AVEN: variants seen among roughly 807,000 people sequenced by gnomAD.
AVEN encodes apoptosis and caspase activation inhibitor.
AVEN carries 41 observed loss-of-function variants against 38.1 expected under a neutral mutation model. That is an observed-to-expected ratio of 1.08 (90% CI 0.84 to 1.40). The LOEUF is 1.40. AVEN is among the 40% of genes most tolerant of loss of function. AVEN has a pLI of 0.00. For missense variants in AVEN, 605 were observed against 438.8 expected (o/e 1.38, Z -3.38); for synonymous variants, 206 against 171.8 (o/e 1.20, Z -1.56).
intron 5 of AVEN, among the ~76,000 whole-genome samples, chr15:34,049,050 G>T (rs1899832801): frequency 6.6e-6 from 1 of 152,162 alleles, no homozygotes; most frequent in Admixed American, 6.5e-5. Flanking sequence ...CCTATTTCAA[G>T]GTCAGCAACC....
chr15:33,907,764 C>G (rs1892761230), intron 2 of AVEN, among the ~76,000 whole-genome samples: 1 of 150,500 alleles, frequency 6.6e-6, no homozygotes, highest in Non-Finnish European at 1.5e-5. Context: ...CCCCTGCTGT[C>G]CTAATCCACA....
In AVEN at chr15:33,897,556, C is replaced by G. The variant is rs373158745; in HGVS notation, c.446-21561G>C. Among the ~76,000 whole-genome samples the G allele has an allele frequency of 3.7e-4, 57 of 152,184 alleles. No individual in the cohort carries two copies. In the East Asian group the frequency reaches 9.3e-3, roughly 25 times the overall value. ...AAGTGCTAGGATTACAGGCATAAGC[C>G]ACCGCGCCCGGCCATGAATTTATTT... On this transcript the variant is annotated intron_variant, in intron 2 of 5. Transcript: ENST00000306730.
chr15:33,886,411 T>C (rs1335308887), intron 2 of AVEN, among the ~76,000 whole-genome samples: 1 of 152,198 alleles, frequency 6.6e-6, no homozygotes, highest in Non-Finnish European at 1.5e-5. Context: ...CAAGTGAGTC[T>C]CCTGCCTCAC....
chr15:33,854,656 A>C, downstream of AVEN: 1 of 1,399,266 alleles, frequency 7.1e-7, no homozygotes, highest in Non-Finnish European at 9.8e-7. Flanking sequence ...GCACCTCAGC[A>C]CCTAAACCCC....
chr15:34,019,778 G>C (rs1353708456), intron 1 of AVEN, among the ~76,000 whole-genome samples: 1 of 152,124 alleles, frequency 6.6e-6, no homozygotes, highest in African/African-American at 2.4e-5. Flanking sequence ...GTGTACAGTA[G>C]GCTACACCAT....
At chr15:34,032,446 G>A (rs1482387376) in intron 1 of AVEN, among the ~76,000 whole-genome samples, 1 of 152,164 alleles carries the variant, frequency 6.6e-6, no homozygotes, top group Non-Finnish European at 1.5e-5. Flanking sequence ...CCTAGCAGCA[G>A]TTTAAAACAA....
intron 3 of AVEN, among the ~76,000 whole-genome samples, chr15:33,872,320 G>A (rs1037671455): frequency 1.3e-5 from 2 of 152,112 alleles, no homozygotes; most frequent in African/African-American, 4.8e-5. Flanking sequence ...TCTGTATAAA[G>A]GCACACTCTT....
At chr15:33,921,741 A>T (rs1893401685) in intron 2 of AVEN, among the ~76,000 whole-genome samples, 1 of 78,102 alleles carries the variant, frequency 1.3e-5, no homozygotes, top group African/African-American at 3.8e-5. Flanking sequence ...AGAGACAAGA[A>T]TCATACTCAA....
At chr15:34,023,708 A>C (rs1290840708) in intron 1 of AVEN, among the ~76,000 whole-genome samples, 1 of 152,202 alleles carries the variant, frequency 6.6e-6, no homozygotes, top group Non-Finnish European at 1.5e-5. Flanking sequence ...CAATCACGCC[A>C]GGCTTAAAAG....
chr15:33,976,655 G>A (rs948606946), intron 2 of AVEN, among the ~76,000 whole-genome samples: 4 of 151,830 alleles, frequency 2.6e-5, no homozygotes. Context: ...AGGCATAATG[G>A]TATATCTCCA....
At chr15:34,060,877 G>C (rs1900310717) in intron 5 of AVEN, among the ~76,000 whole-genome samples, 1 of 151,974 alleles carries the variant, frequency 6.6e-6, no homozygotes. Context: ...TTAGCCGGGC[G>C]TGGTGGCAGG....
intron 2 of AVEN, among the ~76,000 whole-genome samples, chr15:33,897,559 C>T (rs1465574602): frequency 3.3e-5 from 5 of 152,058 alleles, no homozygotes; most frequent in African/African-American, 9.7e-5. Context: ...CATAAGCCAC[C>T]GCGCCCGGCC....
intron 1 of AVEN, among the ~76,000 whole-genome samples, chr15:34,032,231 T>C (rs1898887319): frequency 6.6e-6 from 1 of 152,170 alleles, no homozygotes; most frequent in Admixed American, 6.5e-5. Context: ...ACCTAATTTC[T>C]AGAAAAAGGC....
intron 2 of AVEN, chr15:33,991,811 T>C (rs1896738126): frequency 6.6e-6 from 1 of 151,668 alleles, no homozygotes; most frequent in South Asian, 2.1e-4. Context: ...AAAGAAACAC[T>C]GAAAAAAACT....
chr15:33,868,384 A>C (rs1411254983), intron 4 of AVEN, among the ~76,000 whole-genome samples: 1 of 151,624 alleles, frequency 6.6e-6, no homozygotes, highest in Non-Finnish European at 1.5e-5. Context: ...ACAAACAAAC[A>C]AAAAACAAAA....
At chr15:34,022,954 G>A (rs1004767219) in intron 1 of AVEN, among the ~76,000 whole-genome samples, 4 of 152,312 alleles carry the variant, frequency 2.6e-5, no homozygotes, top group East Asian at 1.9e-4. Flanking sequence ...TTGGGAGGCC[G>A]AGGCGGGCGG....
intron 2 of AVEN, among the ~76,000 whole-genome samples, chr15:33,936,109 G>A (rs1894049278): frequency 6.6e-6 from 1 of 151,878 alleles, no homozygotes; most frequent in Non-Finnish European, 1.5e-5. Context: ...ACATATCATG[G>A]TGAGATTTTA....
intron 2 of AVEN, among the ~76,000 whole-genome samples, chr15:33,921,645 G>A (rs767883764): frequency 1.3e-5 from 2 of 152,180 alleles, no homozygotes; most frequent in African/African-American, 4.8e-5. Flanking sequence ...TCCACAGAGT[G>A]GCAACAAGAA....
intron 5 of AVEN, 33 bp downstream of exon 5, chr15:33,867,462 C>G: frequency 6.5e-7 from 1 of 1,537,444 alleles, no homozygotes; most frequent in South Asian, 1.3e-5. Context: ...ACACCAGAAT[C>G]AAGATTCACG....
Sources: gnomAD v4.1 joint callset for allele counts (sites outside exome capture counted in the v4.1 genomes callset) on GRCh38, gnomAD v4.1.1 for gene constraint, MANE v1.5 for transcripts, NCBI Gene and HGNC (gene_info 2026-07-23, HGNC 2026-07-21) for gene names.